RBM33: variants seen among roughly 807,000 people sequenced by gnomAD.
RBM33 encodes the protein RNA binding motif protein 33, also known as RNA-binding protein 33.
In RBM33, 28 loss-of-function variants were observed where a neutral mutation model predicts 132.6. That is an observed-to-expected ratio of 0.21 (90% CI 0.16 to 0.29). The LOEUF (loss-of-function observed/expected upper bound fraction) is 0.29. RBM33 is among the 10% of genes least tolerant of loss of function. The probability of loss-of-function intolerance (pLI) is 1.00; values close to 1 mark genes in which losing one functional copy is unlikely to be tolerated. For missense variants in RBM33, 1,291 were observed against 1,518.5 expected, an observed-to-expected ratio of 0.85 and a Z score of 2.49; for synonymous variants, 634 against 593.0, an observed-to-expected ratio of 1.07 and a Z score of -1.01.
At chr7:155,712,082 A>G (rs1423287436) in intron 8 of RBM33, among the ~76,000 whole-genome samples, 2 of 152,222 alleles carry the variant, frequency 1.3e-5, no homozygotes, top group South Asian at 2.1e-4. Context: ...AATGCAAAGA[A>G]TACACTAGAG....
At chr7:155,645,612 C>A (rs1798163870) in intron 1 of RBM33, among the ~76,000 whole-genome samples, 1 of 152,094 alleles carries the variant, frequency 6.6e-6, no homozygotes, top group Non-Finnish European at 1.5e-5. Flanking sequence ...TGATGAAACA[C>A]CTATCTCTAA....
chr7:155,738,059 G>A lies in RBM33; in HGVS notation c.1394-1G>A. ...GTTAATGATGTTGTGTTACCTTTCA[G>A]TTTCAGGTGAACCAAGATTCCCGAG... On this transcript the variant is annotated splice_acceptor_variant, in intron 10 of 17. Coordinates refer to ENST00000401878, the MANE Select transcript of RBM33 (RefSeq NM_053043.3). LOFTEE classifies it high-confidence loss of function. 6.2e-7 allele frequency: 1 copy of A among 1,611,626 alleles called. No individual in the cohort carries two copies.
At chr7:155,677,257 T>C (rs1329417688) in intron 3 of RBM33, among the ~76,000 whole-genome samples, 3 of 151,818 alleles carry the variant, frequency 2.0e-5, no homozygotes, top group Non-Finnish European at 4.4e-5. Flanking sequence ...TTCGTTCTTG[T>C]TTCCCAGGCT....
chr7:155,665,775 A>G (rs534993723), intron 2 of RBM33, among the ~76,000 whole-genome samples: 4 of 152,204 alleles, frequency 2.6e-5, no homozygotes, highest in Admixed American at 6.5e-5. Context: ...GATAGATGGT[A>G]GTTTGATATA....
rs549440204 is a variant in RBM33, at chr7:155,733,773, G to A, written c.1261-3757G>A. On this transcript the variant is annotated intron_variant, in intron 9 of 17. Transcript: ENST00000401878. ...GTCCTGGCAAGTAGAAAGAATGGCC[G>A]TTCACATTGCTAGTACCTTCCTGTT... Among the ~76,000 whole-genome samples, 8 of 152,300 alleles carry A rather than the reference G, an allele frequency of 5.3e-5. No individual in the cohort carries two copies. In the South Asian group the frequency reaches 6.2e-4, roughly 12 times the overall value.
At chr7:155,688,195 C>G (rs952708199) in intron 5 of RBM33, among the ~76,000 whole-genome samples, 1 of 152,056 alleles carries the variant, frequency 6.6e-6, no homozygotes, top group Admixed American at 6.5e-5. Flanking sequence ...CCTTCACATC[C>G]CTTGTAAGTT....
rs749039559 is a variant in RBM33, at chr7:155,711,208, G to A, written c.954G>A (p.Gln318=). Residue 318 remains glutamine (Q), a synonymous_variant, in exon 8 of 18, where the codon CAG becomes CAA. Coordinates refer to ENST00000401878, the MANE Select transcript of RBM33 (RefSeq NM_053043.3). The part of the protein sequence containing the change: ...LLPTQPPVVP[Q]APPPPPPPPQ... ...CAAGGTTAATTCCTCCACAGCCCCAGGCTCCCCCTCCACCGCCACCGCCGC... is the reference window on the plus strand; with the variant it reads ...CAAGGTTAATTCCTCCACAGCCCCAAGCTCCCCCTCCACCGCCACCGCCGC... 6.4e-7 allele frequency: 1 copy of A among 1,554,884 alleles called. No individual in the cohort carries two copies. The highest frequency in any genetic ancestry group is 8.7e-7 in the Non-Finnish European group (1 of 1,150,428).
intron 3 of RBM33, among the ~76,000 whole-genome samples, chr7:155,673,541 TAC>T (rs1466472224): frequency 6.8e-5 from 7 of 103,562 alleles, no homozygotes; most frequent in Non-Finnish European, 8.0e-5. Context: ...CATATATACA[TAC>T]ACACGTGTAT....
chr7:155,693,729 C>CTT (rs961341508), intron 5 of RBM33, among the ~76,000 whole-genome samples: 1 of 145,258 alleles, frequency 6.9e-6, no homozygotes, highest in African/African-American at 2.5e-5. Context: ...ATATTTGGGG[C>CTT]TTTTTTTTTT....
At chr7:155,730,173 C>T (rs1006894521) in intron 9 of RBM33, among the ~76,000 whole-genome samples, 3 of 152,306 alleles carry the variant, frequency 2.0e-5, no homozygotes, top group African/African-American at 4.8e-5. Context: ...TCAGCTCTCA[C>T]GGACCCGGCA....
chr7:155,704,435 C>T (rs1413174534), intron 6 of RBM33, among the ~76,000 whole-genome samples: 3 of 152,156 alleles, frequency 2.0e-5, no homozygotes, highest in Non-Finnish European at 4.4e-5. Flanking sequence ...GAACTCCCTC[C>T]TGGAGCTCAG....
chr7:155,743,153 T>C (rs1801404996), intron 13 of RBM33, among the ~76,000 whole-genome samples: 1 of 152,260 alleles, frequency 6.6e-6, no homozygotes, highest in African/African-American at 2.4e-5. Context: ...TAACATACAA[T>C]GAACTCTTAT....
intron 9 of RBM33, among the ~76,000 whole-genome samples, chr7:155,724,941 A>G (rs1050722618): frequency 6.6e-6 from 1 of 150,430 alleles, no homozygotes; most frequent in Non-Finnish European, 1.5e-5. Flanking sequence ...GGTTATTTCA[A>G]GTCTTCGGAT....
chr7:155,668,233 T>C (rs953811126), intron 2 of RBM33, among the ~76,000 whole-genome samples: 3 of 152,190 alleles, frequency 2.0e-5, no homozygotes, highest in African/African-American at 4.8e-5. Flanking sequence ...TGTGGATATG[T>C]GTCTGTGTGC....
chr7:155,674,448 T>C (rs1437108113), intron 3 of RBM33, among the ~76,000 whole-genome samples: 1 of 152,160 alleles, frequency 6.6e-6, no homozygotes, highest in African/African-American at 2.4e-5. Context: ...GGAGAATAAG[T>C]TAGATATTAA....
chr7:155,679,097 C>A (rs1444595019), intron 4 of RBM33, among the ~76,000 whole-genome samples: 2 of 152,056 alleles, frequency 1.3e-5, no homozygotes, highest in Non-Finnish European at 2.9e-5. Flanking sequence ...GCTTGATCCA[C>A]AGAGGTGGAG....
chr7:155,725,983 G>A (rs1800785541), intron 9 of RBM33, among the ~76,000 whole-genome samples: 1 of 152,204 alleles, frequency 6.6e-6, no homozygotes, highest in South Asian at 2.1e-4. Context: ...ACTGAAATAA[G>A]AGGATTAACA....
At chr7:155,734,600 T>C (rs942011012) in intron 9 of RBM33, among the ~76,000 whole-genome samples, 8 of 152,316 alleles carry the variant, frequency 5.3e-5, no homozygotes, top group Admixed American at 5.2e-4. Flanking sequence ...TGACATCATT[T>C]TGATCCCTAT....
intron 5 of RBM33, among the ~76,000 whole-genome samples, chr7:155,699,680 C>T (rs183899035): frequency 9.9e-5 from 15 of 152,164 alleles, no homozygotes; most frequent in Admixed American, 1.3e-4. Context: ...ATTTGCTCTC[C>T]GAAAGATCTT....
Sources: allele counts gnomAD v4.1 joint callset (sites outside exome capture counted in the v4.1 genomes callset), GRCh38; gene constraint gnomAD v4.1.1; transcripts MANE v1.5; gene names NCBI Gene and HGNC (gene_info 2026-07-23, HGNC 2026-07-21).